IFI16: variants seen among roughly 807,000 people sequenced by gnomAD.
IFI16 encodes the protein gamma-interferon-inducible protein 16.
A neutral mutation model predicts 68.4 loss-of-function variants in IFI16; 49 were observed. That is an observed-to-expected ratio of 0.72 (90% CI 0.57 to 0.91). IFI16 has a LOEUF of 0.91. Ranked by LOEUF, IFI16 falls within the 40% of genes least tolerant of loss-of-function variation. The pLI is 0.00. For synonymous variants in IFI16, 307 were observed against 315.0 expected (o/e 0.97, Z 0.27); for missense variants, 878 against 942.9 (o/e 0.93, Z 0.90).
At chr1:159,052,154 T>A in intron 10 of IFI16, 56 bp downstream of exon 10, 1 of 1,411,736 alleles carries the variant, frequency 7.1e-7, no homozygotes, top group Non-Finnish European at 9.6e-7. Flanking sequence ...ATTTTTAAAG[T>A]CTTAACTTGT....
chr1:159,031,184 A>C (rs1234773971), intron 6 of IFI16, among the ~76,000 whole-genome samples: 5 of 151,780 alleles, frequency 3.3e-5, no homozygotes, highest in Admixed American at 2.0e-4. Context: ...TCCCACCATC[A>C]CCCACCAACA....
intron 7 of IFI16, among the ~76,000 whole-genome samples, chr1:159,041,554 T>C (rs1231927674): frequency 6.6e-6 from 1 of 152,206 alleles, no homozygotes; most frequent in Non-Finnish European, 1.5e-5. Flanking sequence ...CTCCTCAGTT[T>C]GGCTGATTTT....
chr1:159,009,735 T>C (rs114359488), upstream of IFI16, among the ~76,000 whole-genome samples: 326 of 152,344 alleles, frequency 2.1e-3, 1 homozygote, highest in Non-Finnish European at 3.1e-3. Context: ...GAGATTTCAG[T>C]GTGCACATCA....
chr1:159,053,466 G>C (rs41264449), intron 10 of IFI16, 67 bp from the exon 11 acceptor site: 1 of 1,196,924 alleles, frequency 8.4e-7, no homozygotes, highest in South Asian at 1.4e-5. Context: ...GAAACACCCT[G>C]TATTTCTCAT....
At chr1:159,019,231 A>C (rs183543574) in intron 5 of IFI16, among the ~76,000 whole-genome samples, 1 of 150,336 alleles carries the variant, frequency 6.7e-6, no homozygotes, top group East Asian at 2.0e-4. Context: ...AAAATCAGGT[A>C]ATCTAAATTT....
At chr1:159,029,467 G>A (rs943217029) in intron 6 of IFI16, among the ~76,000 whole-genome samples, 1 of 152,098 alleles carries the variant, frequency 6.6e-6, no homozygotes, top group Non-Finnish European at 1.5e-5. Context: ...ATGTGCCTAG[G>A]CGATGATCTT....
At position 159,018,564 on chromosome 1, in the gene IFI16, C is replaced by T. The variant is rs149200088; in HGVS notation, c.885C>T (p.Ile295=). 55 of 1,613,474 alleles carry T rather than the reference C, an allele frequency of 3.4e-5. No individual in the cohort carries two copies. Among genetic ancestry groups the T allele is most frequent in the Non-Finnish European group, 4.4e-5 (52 of 1,179,564 alleles). Reference sequence around the variant, plus strand: ...CGTTTGAGGTTCCAAATAAAATCATCAACAGAGCAAAGGAAACTCTGAAGA... The same window carrying T: ...CGTTTGAGGTTCCAAATAAAATCATTAACAGAGCAAAGGAAACTCTGAAGA... ...NQTFEVPNKI[I]NRAKETLKID... is the part of the protein sequence containing the mutation. The change falls in exon 5 of 12, where the codon ATC becomes ATT. Residue 295 remains isoleucine (I), a synonymous_variant. Transcript: ENST00000295809.
Position 159,032,645 on chromosome 1 carries a change from C to T in IFI16, c.1283C>T (p.Thr428Ile). 6.2e-7 allele frequency: 1 copy of T among 1,611,784 alleles called. No homozygotes were observed. Among genetic ancestry groups the T allele is most frequent in the Non-Finnish European group, 8.5e-7 (1 of 1,179,018 alleles). Reference protein sequence around the residue: ...STTFPESHLRTPQMPPTTPSS... With the variant: ...STTFPESHLRIPQMPPTTPSS... ...ACCTTCCCTGAGAGCCATCTTCGGA[C>T]TCCTCAGATGCCACCAACAACTCCA... Residue 428 changes from threonine to isoleucine, a missense_variant, in exon 7 of 12, where the codon ACT (threonine) becomes ATT (isoleucine). Thr to Ile is a moderately conservative substitution (Grantham distance 89). Around this residue, in one of 4 missense-constraint regions of IFI16, gnomAD observed 443 missense variants for 421.8 expected, o/e 1.05. Transcript: ENST00000295809.
intron 5 of IFI16, among the ~76,000 whole-genome samples, chr1:159,019,956 T>C (rs908185952): frequency 2.1e-4 from 32 of 152,194 alleles, no homozygotes; most frequent in African/African-American, 7.2e-4. Context: ...TACAGATTCC[T>C]CATAAGTCAC....
chr1:159,021,912 G>A (rs1384119252), intron 6 of IFI16, among the ~76,000 whole-genome samples: 1 of 131,530 alleles, frequency 7.6e-6, no homozygotes, highest in African/African-American at 2.8e-5. Flanking sequence ...TTTGAGAATT[G>A]TCTATTCATG....
rs1553207137 is a variant in IFI16 at position 159,019,262 on chromosome 1, A to AAC, written c.972+612_972+613insCA. Among the ~76,000 whole-genome samples the AAC allele has an allele frequency of 1.2e-4, 9 of 76,308 alleles. No homozygotes were observed. In the African/African-American group the frequency reaches 2.5e-3, roughly 21 times the overall value. 50.1% of individuals were successfully genotyped at this position (76,308 alleles called of 152,430 possible). On this transcript the variant is annotated intron_variant, in intron 5 of 11. Coordinates refer to ENST00000295809, the MANE Select transcript of IFI16 (RefSeq NM_001376587.1). ...AATTTGTCATTTATATATAAATAAC[A>AAC]AAAAAAAAAAATAGAGTACAGAGTG...
Position 159,016,619 on chromosome 1 carries a change from A to G in IFI16, c.468A>G (p.Gly156=). Residue 156 remains glycine, a synonymous_variant, in exon 4 of 12, where the codon GGA becomes GGG. Transcript: ENST00000295809. ...AGACTCAGCCTCCCTCTCCTGCAGG[A>G]GCCGGCATGTCCACAGCCATGGGCC... The part of the protein sequence containing the change: ...EEQTQPPSPA[G]AGMSTAMGRS... The G allele has an allele frequency of 6.2e-7, 1 of 1,614,114 alleles. No homozygotes were observed. Among genetic ancestry groups the G allele is most frequent in the South Asian group, 1.1e-5 (1 of 91,084 alleles).
chr1:159,054,776 C>T, intron 11 of IFI16, 45 bp from the exon 12 acceptor site: 1 of 963,976 alleles, frequency 1.0e-6, no homozygotes, highest in Non-Finnish European at 1.7e-6. Flanking sequence ...AATGTAGGAT[C>T]ATCAGCATCT....
At chr1:159,002,861 A>G (rs1652110294), upstream of IFI16, among the ~76,000 whole-genome samples, 1 of 152,352 alleles carries the variant, frequency 6.6e-6, no homozygotes, top group South Asian at 2.1e-4. Flanking sequence ...ATTCATCCAT[A>G]TGGCTTGATT....
chr1:159,047,036 C>T (rs991617385), intron 8 of IFI16, among the ~76,000 whole-genome samples: 22 of 151,166 alleles, frequency 1.5e-4, no homozygotes, highest in African/African-American at 5.1e-4. Flanking sequence ...TACAATCCAG[C>T]GCTATGGGGC....
intron 8 of IFI16, among the ~76,000 whole-genome samples, chr1:159,047,996 C>T (rs1351063522): frequency 7.2e-6 from 1 of 139,312 alleles, no homozygotes; most frequent in South Asian, 2.3e-4. Flanking sequence ...ACTGTGATGA[C>T]AGTTTAAGAT....
chr1:159,025,188 T>C (rs1280029321), intron 6 of IFI16, among the ~76,000 whole-genome samples: 1 of 152,174 alleles, frequency 6.6e-6, no homozygotes, highest in East Asian at 1.9e-4. Flanking sequence ...TCCCGCTCCA[T>C]TCCTGCTCAG....
upstream of IFI16, among the ~76,000 whole-genome samples, chr1:159,006,557 C>G (rs1652266909): frequency 6.6e-6 from 1 of 152,128 alleles, no homozygotes; most frequent in Non-Finnish European, 1.5e-5. Context: ...CAACTCCTTA[C>G]TAAAGGGGGT....
At chr1:159,053,456 G>A (rs1655480439) in intron 10 of IFI16, 77 bp from the exon 11 acceptor site, 2 of 1,087,900 alleles carry the variant, frequency 1.8e-6, no homozygotes, top group Non-Finnish European at 2.7e-6. Flanking sequence ...AAAGTTTCCA[G>A]AAACACCCTG....
Sources: gnomAD v4.1 joint callset for allele counts (sites outside exome capture counted in the v4.1 genomes callset) on GRCh38, gnomAD v4.1.1 for gene constraint, gnomAD v4.1.1 regional missense constraint, MANE v1.5 for transcripts, NCBI Gene and HGNC (gene_info 2026-07-23, HGNC 2026-07-21) for gene names.